NDRG2: variants seen among roughly 807,000 people sequenced by gnomAD.
The protein encoded by NDRG2 is NDRG family member 2, also known as protein NDRG2.
NDRG2 carries 34 observed loss-of-function variants against 58.2 expected under a neutral mutation model. That is an observed-to-expected ratio of 0.58 (90% CI 0.44 to 0.78). NDRG2 has a LOEUF of 0.78. NDRG2 is among the 30% of genes least tolerant of loss of function. NDRG2 has a pLI of 0.00. For synonymous variants in NDRG2, 187 were observed against 175.9 expected, an observed-to-expected ratio of 1.06 and a Z score of -0.50; for missense variants, 434 against 471.2, an observed-to-expected ratio of 0.92 and a Z score of 0.73.
chr14:21,065,172 A>AG lies in NDRG2; in HGVS notation c.24+5655_24+5656insC, dbSNP rs1274799615. 6.1e-4 allele frequency among the ~76,000 whole-genome samples: 92 copies of AG among 151,328 alleles called. 5 individuals are homozygous for AG. Among genetic ancestry groups the AG allele is most frequent in the Admixed American group, 6.6e-5 (1 of 15,202 alleles). ...GGCGATGAGCAAAACTCCATCTCAA[A>AG]AAAAAAAAAACAAACAACAACAACA... On this transcript the variant is annotated intron_variant, in intron 1 of 14. Coordinates refer to the NDRG2 transcript ENST00000403829.
intron 1 of NDRG2, among the ~76,000 whole-genome samples, chr14:21,038,594 T>G (rs1344252157): frequency 6.6e-6 from 1 of 151,952 alleles, no homozygotes; most frequent in African/African-American, 2.4e-5. Flanking sequence ...GCTTGAAAAA[T>G]GGGGGGAAAC....
In NDRG2 at chr14:21,024,759, A is replaced by G; in HGVS notation, c.-736T>C. On this transcript the variant is annotated 5_prime_UTR_variant, in exon 1 of 16. Coordinates refer to ENST00000556147, the MANE Select transcript of NDRG2 (RefSeq NM_001320329.2). ...CCAGCACCCGGAACCCGTCCCTACGAGTCCCTACGCAGCCCGTCCGCGTGG... is the reference window on the plus strand; with the variant it reads ...CCAGCACCCGGAACCCGTCCCTACGGGTCCCTACGCAGCCCGTCCGCGTGG... 1.0e-6 allele frequency: 1 copy of G among 985,504 alleles called. No individual in the cohort carries two copies. The highest frequency in any genetic ancestry group is 1.2e-6 in the Non-Finnish European group (1 of 830,022). The allele number at this position is 985,504 out of a possible 1,614,324, so 61.0% of individuals were successfully genotyped here. A position where few individuals can be genotyped will look rare whatever the true frequency, so the allele number is the denominator to read the frequency against.
In NDRG2 at chr14:21,070,372, G is replaced by T; in HGVS notation, c.24+456C>A. On this transcript the variant is annotated intron_variant, in intron 1 of 14. Transcript: ENST00000403829. The surrounding 1 kb of genome is among the most constrained non-coding windows in gnomAD (Gnocchi z 4.7). ...CCCGGCCCCGCCCGCCCGACCAAGCGTCGGACGCGGCCCGGCGCCGAGCCA... is the reference window on the plus strand; with the variant it reads ...CCCGGCCCCGCCCGCCCGACCAAGCTTCGGACGCGGCCCGGCGCCGAGCCA... The T allele has an allele frequency of 7.1e-7, 1 of 1,407,430 alleles. No individual in the cohort carries two copies. The allele number at this position is 1,407,430 out of a possible 1,614,324, so 87.2% of individuals were successfully genotyped here.
At chr14:21,050,715 A>G (rs1398019299) in intron 1 of NDRG2, among the ~76,000 whole-genome samples, 1 of 152,206 alleles carries the variant, frequency 6.6e-6, no homozygotes, top group African/African-American at 2.4e-5. Flanking sequence ...ATTTGTGGTA[A>G]TAATAATAAT....
chr14:21,020,146 T>C, intron 8 of NDRG2, 170 bp from the exon 9 acceptor site: 1 of 595,810 alleles, frequency 1.7e-6, no homozygotes, highest in Non-Finnish European at 3.0e-6. Context: ...ATACAAATAT[T>C]AGCCAGGCGT....
At chr14:21,042,702 A>C (rs767783518) in intron 1 of NDRG2, among the ~76,000 whole-genome samples, 2 of 152,114 alleles carry the variant, frequency 1.3e-5, no homozygotes, top group African/African-American at 2.4e-5. Flanking sequence ...AAAAGGGATG[A>C]GACTTAAGGG....
chr14:21,032,167 C>A, intron 1 of NDRG2: 2 of 1,339,354 alleles, frequency 1.5e-6, no homozygotes, highest in Non-Finnish European at 2.1e-6. Context: ...GTGTGTGCAG[C>A]AGCCAAAATC....
chr14:21,037,292 A>T (rs1271560182), intron 1 of NDRG2, among the ~76,000 whole-genome samples: 1 of 152,262 alleles, frequency 6.6e-6, no homozygotes, highest in African/African-American at 2.4e-5. Context: ...CTGATGCATA[A>T]GATTACTTCA....
chr14:21,037,101 C>T (rs760212398), intron 1 of NDRG2, among the ~76,000 whole-genome samples: 60 of 139,422 alleles, frequency 4.3e-4, no homozygotes, highest in Non-Finnish European at 6.9e-4. Flanking sequence ...TCCCCAGCCA[C>T]CCATCACCGC....
upstream of NDRG2, among the ~76,000 whole-genome samples, chr14:21,028,127 C>G (rs971941848): frequency 6.6e-5 from 10 of 152,174 alleles, no homozygotes; most frequent in Admixed American, 6.5e-4. Flanking sequence ...CCATTCCACT[C>G]CAGGGACTAT....
chr14:21,058,658 T>A lies in NDRG2; in HGVS notation c.24+12170A>T, dbSNP rs142828659. Among the ~76,000 whole-genome samples, 549 of 152,236 alleles carry A rather than the reference T, an allele frequency of 3.6e-3. 3 individuals are homozygous for A. Among genetic ancestry groups the A allele is most frequent in the Middle Eastern group, 0.014 (4 of 294 alleles). On this transcript the variant is annotated intron_variant, in intron 1 of 14. Coordinates refer to the NDRG2 transcript ENST00000403829. The stretch of plus-strand genomic sequence containing the variant: ...GAGGCCTGTGGCTCACCAAAGACCC[T>A]CTTAAAGAAAAAGAATATAAAATTA...
At chr14:21,035,565 G>C (rs973182840) in intron 1 of NDRG2, among the ~76,000 whole-genome samples, 5 of 152,182 alleles carry the variant, frequency 3.3e-5, no homozygotes, top group African/African-American at 1.2e-4. Context: ...TCTTAGGAGA[G>C]CCTTTTTACC....
intron 11 of NDRG2, 30 bp downstream of exon 11, chr14:21,019,086 C>T (rs2138851077): frequency 1.3e-6 from 2 of 1,580,746 alleles, no homozygotes; most frequent in East Asian, 4.5e-5. Flanking sequence ...TCCAGGGAGA[C>T]AGGCAATGCA....
chr14:21,017,558 G>A lies in NDRG2; in HGVS notation c.*38C>T, dbSNP rs760531482. ...ACCTCCCAGGTTAGCTCTGGGGGAGGTGAGGGCTGGGTCCCACTCTAGGGC... is the reference window on the plus strand; with the variant it reads ...ACCTCCCAGGTTAGCTCTGGGGGAGATGAGGGCTGGGTCCCACTCTAGGGC... On this transcript the variant is annotated 3_prime_UTR_variant, in exon 16 of 16. Coordinates refer to ENST00000556147, the MANE Select transcript of NDRG2 (RefSeq NM_001320329.2). 1.4e-4 allele frequency: 226 copies of A among 1,596,522 alleles called. No individual in the cohort carries two copies. The highest frequency in any genetic ancestry group is 1.9e-4 in the Non-Finnish European group (222 of 1,170,786).
chr14:21,019,270 T>C, intron 10 of NDRG2, 110 bp from the exon 11 acceptor site: 1 of 1,123,082 alleles, frequency 8.9e-7, no homozygotes, highest in Non-Finnish European at 1.3e-6. Context: ...TACGGTCAAA[T>C]CTTGGTTATT....
intron 1 of NDRG2, among the ~76,000 whole-genome samples, chr14:21,041,567 G>A (rs2139110567): frequency 6.6e-6 from 1 of 152,230 alleles, no homozygotes; most frequent in East Asian, 1.9e-4. Flanking sequence ...TGACCCAGAT[G>A]CTCCACACAG....
At chr14:21,023,558 C>G in intron 1 of NDRG2, 1 of 523,540 alleles carries the variant, frequency 1.9e-6, no homozygotes, top group Non-Finnish European at 3.4e-6. Context: ...ACCATCCCCA[C>G]TGCCACCCTC....
At chr14:21,036,032 G>C (rs982268920) in intron 1 of NDRG2, 2 of 376,778 alleles carry the variant, frequency 5.3e-6, no homozygotes, top group South Asian at 4.0e-5. Context: ...TTTACCTCAC[G>C]GCAGTATGAG....
chr14:21,059,921 C>T (rs1283034869), intron 1 of NDRG2, among the ~76,000 whole-genome samples: 1 of 152,202 alleles, frequency 6.6e-6, no homozygotes, highest in Admixed American at 6.5e-5. Context: ...CATATACACA[C>T]ACACATACCT....
Sources: allele counts gnomAD v4.1 joint callset (sites outside exome capture counted in the v4.1 genomes callset), GRCh38; gene constraint gnomAD v4.1.1; non-coding constraint Gnocchi (gnomAD v3.1); transcripts MANE v1.5; gene names NCBI Gene and HGNC (gene_info 2026-07-23, HGNC 2026-07-21).